The following FHIT variants were observed in gnomAD, a reference collection of about 807,000 sequenced individuals.
The protein encoded by FHIT is fragile histidine triad diadenosine triphosphatase.
In FHIT, 19 loss-of-function variants were observed where a neutral mutation model predicts 17.9. That is an observed-to-expected ratio of 1.06 (90% CI 0.74 to 1.56). The LOEUF (loss-of-function observed/expected upper bound fraction) is 1.56, where lower values mean the gene tolerates loss of function less well. FHIT is among the 40% of genes most tolerant of loss of function. FHIT has a pLI of 0.00. For missense variants in FHIT, 248 were observed against 189.2 expected (o/e 1.31, Z -1.82); for synonymous variants, 81 against 69.7 (o/e 1.16, Z -0.81).
chr3:59,985,271 T>C (rs2630190), intron 7 of FHIT, among the ~76,000 whole-genome samples: 123,230 of 152,084 alleles, frequency 0.81, 50,900 homozygotes, highest in East Asian at 0.93. Context: ...AAACACAGAA[T>C]GCTCCGCCTT....
rs17063274 is a variant in FHIT at position 60,487,577 on chromosome 3, A to G, written c.103+49283T>C. ...CAGCAATTAATAGGTACAGTTATGT[A>G]TACTTCAACAGGCTGAATGTAATCT... On this transcript the variant is annotated intron_variant, in intron 5 of 9. Transcript: ENST00000492590. Among the ~76,000 whole-genome samples, 936 of 152,326 alleles carry G rather than the reference A, an allele frequency of 6.1e-3. 13 individuals carry two copies. Among genetic ancestry groups the G allele is most frequent in the East Asian group, 0.051 (265 of 5,188 alleles).
chr3:60,770,727 A>T (rs1239461316), intron 4 of FHIT, among the ~76,000 whole-genome samples: 1 of 152,240 alleles, frequency 6.6e-6, no homozygotes, highest in Non-Finnish European at 1.5e-5. Context: ...TGCAGTCAAC[A>T]GCATGTCAAT....
At chr3:60,705,233 T>A (rs543865146) in intron 4 of FHIT, among the ~76,000 whole-genome samples, 2 of 152,156 alleles carry the variant, frequency 1.3e-5, no homozygotes, top group South Asian at 4.2e-4. Flanking sequence ...AAATCCATAA[T>A]GGAAGCAGGA....
chr3:59,814,384 G>A (rs929745307), intron 8 of FHIT, among the ~76,000 whole-genome samples: 1 of 152,214 alleles, frequency 6.6e-6, no homozygotes, highest in African/African-American at 2.4e-5. Flanking sequence ...ACAGGTTTCT[G>A]GGTCAAGACA....
intron 3 of FHIT, among the ~76,000 whole-genome samples, chr3:60,826,744 C>T (rs1373013078): frequency 2.6e-5 from 4 of 152,160 alleles, no homozygotes; most frequent in East Asian, 1.9e-4. Context: ...GTCTTCACTG[C>T]ATCCCCACTG....
intron 4 of FHIT, among the ~76,000 whole-genome samples, chr3:60,682,106 G>A (rs2040763523): frequency 6.6e-6 from 1 of 151,934 alleles, no homozygotes; most frequent in African/African-American, 2.4e-5. Flanking sequence ...CAAGTACCTG[G>A]GATTACAGGT....
intron 3 of FHIT, among the ~76,000 whole-genome samples, chr3:61,021,627 GA>G (rs1413683259): frequency 2.9e-5 from 4 of 136,022 alleles, no homozygotes; most frequent in Admixed American, 2.9e-4. Flanking sequence ...AAAAAGAACA[GA>G]AATCATAACA....
chr3:59,944,557 A>G (rs1706701379), intron 7 of FHIT, among the ~76,000 whole-genome samples: 1 of 151,834 alleles, frequency 6.6e-6, no homozygotes, highest in African/African-American at 2.4e-5. Flanking sequence ...CAAGAGTTTA[A>G]GCGCAAGTTT....
At chr3:59,851,340 T>C (rs899358816) in intron 8 of FHIT, among the ~76,000 whole-genome samples, 2 of 152,210 alleles carry the variant, frequency 1.3e-5, no homozygotes, top group African/African-American at 2.4e-5. Flanking sequence ...ATTAGAAATA[T>C]GCAGAGCATT....
chr3:61,075,222 T>G (rs1454652974), intron 2 of FHIT, among the ~76,000 whole-genome samples: 2 of 152,126 alleles, frequency 1.3e-5, no homozygotes, highest in Non-Finnish European at 2.9e-5. Flanking sequence ...GCATCAACCT[T>G]GTGTCGCATC....
intron 4 of FHIT, among the ~76,000 whole-genome samples, chr3:60,598,822 A>T (rs2038350999): frequency 6.6e-6 from 1 of 152,110 alleles, no homozygotes; most frequent in South Asian, 2.1e-4. Flanking sequence ...TATTTGAGAG[A>T]AGTTTGTGCA....
intron 5 of FHIT, among the ~76,000 whole-genome samples, chr3:60,463,985 C>T (rs1426113661): frequency 1.3e-5 from 2 of 152,180 alleles, no homozygotes; most frequent in African/African-American, 4.8e-5. Flanking sequence ...ATAACAGAAG[C>T]TCCTTTTGTG....
intron 4 of FHIT, among the ~76,000 whole-genome samples, chr3:60,593,635 G>C (rs2038166084): frequency 6.6e-6 from 1 of 152,084 alleles, no homozygotes; most frequent in Non-Finnish European, 1.5e-5. Context: ...GCAAATGGCT[G>C]CCACCTCCAA....
At chr3:59,912,013 T>C (rs1352091666) in intron 8 of FHIT, among the ~76,000 whole-genome samples, 1 of 152,206 alleles carries the variant, frequency 6.6e-6, no homozygotes, top group Non-Finnish European at 1.5e-5. Flanking sequence ...AGCCTAAGTA[T>C]GAATCTCAGG....
chr3:60,499,502 C>T (rs1395392921), intron 5 of FHIT, among the ~76,000 whole-genome samples: 1 of 152,128 alleles, frequency 6.6e-6, no homozygotes, highest in East Asian at 1.9e-4. Flanking sequence ...CGCGACTCTC[C>T]TGCCTCAGCC....
chr3:60,027,137 AC>A (rs1476610093), intron 5 of FHIT, among the ~76,000 whole-genome samples: 2,956 of 116,156 alleles, frequency 0.025, 140 homozygotes, highest in Non-Finnish European at 0.028. Context: ...ACACACACAC[AC>A]ACACACACAC....
intron 5 of FHIT, among the ~76,000 whole-genome samples, chr3:60,377,012 T>G (rs974807218): frequency 2.0e-5 from 3 of 152,196 alleles, no homozygotes; most frequent in Non-Finnish European, 4.4e-5. Flanking sequence ...TGTTTATCCT[T>G]TCTTACTTTA....
intron 8 of FHIT, among the ~76,000 whole-genome samples, chr3:59,806,338 T>C (rs1700195853): frequency 6.6e-6 from 1 of 152,100 alleles, no homozygotes; most frequent in Admixed American, 6.6e-5. Flanking sequence ...ATAAGGTAAC[T>C]GAGGCACAGG....
rs531755751 is a variant in FHIT, at chr3:59,769,394, A to AT, written c.349-17074dup. Among the ~76,000 whole-genome samples the AT allele has an allele frequency of 5.3e-5, 8 of 152,268 alleles. 1 individual carries two copies. In the South Asian group the frequency reaches 1.7e-3, roughly 32 times the overall value. On this transcript the variant is annotated intron_variant, in intron 8 of 9. Coordinates refer to ENST00000492590, the MANE Select transcript of FHIT (RefSeq NM_002012.4). Reference sequence around the variant, plus strand: ...TCCATTGGGTAAGGTGGGAACCTGCATCCCACCCTGTAGAAGGCTTGGCTG... The same window carrying AT: ...TCCATTGGGTAAGGTGGGAACCTGCATTCCCACCCTGTAGAAGGCTTGGCTG...
Sources: allele counts gnomAD v4.1 joint callset (sites outside exome capture counted in the v4.1 genomes callset), GRCh38; gene constraint gnomAD v4.1.1; transcripts MANE v1.5; gene names NCBI Gene and HGNC (gene_info 2026-07-23, HGNC 2026-07-21).